The following ARSF variants were observed in gnomAD, a reference collection of about 807,000 sequenced individuals.
The protein encoded by ARSF is arylsulfatase F.
In ARSF, 33 loss-of-function variants were observed where a neutral mutation model predicts 35.4. The observed-to-expected ratio is 0.93, with a 90% CI of 0.71 to 1.25. The LOEUF is 1.25. Ranked by LOEUF, ARSF falls within the 50% of genes most tolerant of loss-of-function variation. The pLI is 0.00. For missense variants in ARSF, 501 were observed against 480.2 expected (o/e 1.04, Z -0.40); for synonymous variants, 222 against 193.1 (o/e 1.15, Z -1.24).
At chrX:3,069,697 C>A (rs1302147817) in intron 2 of ARSF, among the ~76,000 whole-genome samples, 3 of 108,701 alleles carry the variant, frequency 2.8e-5, no homozygotes, top group African/African-American at 1.0e-4. Context: ...TTTTTTCTTT[C>A]TTTTTAAATT....
chrX:3,049,436 T>C (rs2089988456), intron 1 of ARSF, among the ~76,000 whole-genome samples: 1 of 111,855 alleles, frequency 8.9e-6, no homozygotes, highest in Non-Finnish European at 1.9e-5. Context: ...CTATCAGATA[T>C]GCATTTGTCT....
intron 6 of ARSF, 38 bp downstream of exon 6, chrX:3,084,704 A>ATGATAG: frequency 9.0e-7 from 1 of 1,115,896 alleles, no homozygotes; most frequent in South Asian, 2.2e-5. Context: ...AATAATGATA[A>ATGATAG]TGATCTCTTT....
chrX:3,112,565 A>AG lies in ARSF; in HGVS notation c.*11dup, dbSNP rs1407851995. 5.9e-6 allele frequency: 7 copies of AG among 1,186,745 alleles called. No individual in the cohort carries two copies. The highest frequency in any genetic ancestry group is 7.9e-6 in the Non-Finnish European group (7 of 884,943). ...CTAACGAGAAGAGATAATTACAATC[A>AG]GGCTACCAGAGGAAGCCTTTGGTCC... On this transcript the variant is annotated 3_prime_UTR_variant, in exon 11 of 11. Transcript: ENST00000381127.
At chrX:3,093,217 G>C (rs910190366) in intron 7 of ARSF, among the ~76,000 whole-genome samples, 1 of 112,402 alleles carries the variant, frequency 8.9e-6, no homozygotes, top group East Asian at 2.8e-4. Flanking sequence ...TGAAATAATG[G>C]AGTCTACTGA....
chrX:3,075,336 A>G lies in ARSF; in HGVS notation c.162-1212A>G, dbSNP rs1445933932. 3.6e-5 allele frequency among the ~76,000 whole-genome samples: 4 copies of G among 111,729 alleles called. No homozygotes were observed. The Admixed American group carries it at 3.8e-4, about 11-fold the overall frequency. On this transcript the variant is annotated intron_variant, in intron 3 of 10. Transcript: ENST00000381127. ...AGAAAAATGAACTCCGTGTGCAGTTACCTGCTCTGGGTACCTGGAAATCAT... is the reference window on the plus strand; with the variant it reads ...AGAAAAATGAACTCCGTGTGCAGTTGCCTGCTCTGGGTACCTGGAAATCAT...
Position 3,103,853 on chromosome X carries a change from G to C in ARSF, c.1194G>C (p.Lys398Asn), listed in dbSNP as rs1367400840. 8.3e-7 allele frequency: 1 copy of C among 1,211,640 alleles called. No individual in the cohort carries two copies. The highest frequency in any genetic ancestry group is 2.2e-5 in the Admixed American group (1 of 46,005). Residue 398 changes from lysine to asparagine, a missense_variant, in exon 9 of 11, where the codon AAG becomes AAC. Physicochemically the swap from Lys to Asn is moderately conservative, Grantham distance 94. Coordinates refer to ENST00000381127, the MANE Select transcript of ARSF (RefSeq NM_001201539.2). ...PGKVPAGRLIKEPTSLMDILP... is the reference protein window; with the variant it reads ...PGKVPAGRLINEPTSLMDILP... Reference sequence around the variant, plus strand: ...AGGTACCAGCTGGACGGTTGATTAAGGAACCTACAAGTTTAATGGATATTT... The same window carrying C: ...AGGTACCAGCTGGACGGTTGATTAACGAACCTACAAGTTTAATGGATATTT...
intron 7 of ARSF, among the ~76,000 whole-genome samples, chrX:3,097,975 G>T (rs921399925): frequency 9.3e-6 from 1 of 107,903 alleles, no homozygotes; most frequent in African/African-American, 3.4e-5. Context: ...TCGTGCCATT[G>T]CACTCCAGCC....
Position 3,089,048 on chromosome X carries a change from A to G in ARSF, c.831-448A>G, listed in dbSNP as rs2090269211. On this transcript the variant is annotated intron_variant, in intron 6 of 10. Coordinates refer to ENST00000381127, the MANE Select transcript of ARSF (RefSeq NM_001201539.2). The stretch of plus-strand genomic sequence containing the variant: ...GACATCAGCAGTTTCCCTGGTATGC[A>G]CAACCTGAAAGATTATTGCAAATGG... Among the ~76,000 whole-genome samples, 3 of 111,789 alleles carry G rather than the reference A, an allele frequency of 2.7e-5. No individual in the cohort carries two copies. In the Admixed American group the frequency reaches 2.9e-4, roughly 11 times the overall value.
intron 9 of ARSF, among the ~76,000 whole-genome samples, chrX:3,108,540 T>C (rs1603465167): frequency 8.9e-6 from 1 of 112,128 alleles, no homozygotes; most frequent in East Asian, 2.8e-4. Context: ...TCTCATGTTA[T>C]AGTACATGAT....
At chrX:3,066,308 C>T (rs140539003) in intron 1 of ARSF, among the ~76,000 whole-genome samples, 1,233 of 111,433 alleles carry the variant, frequency 0.011, 23 homozygotes, top group African/African-American at 0.038. Context: ...TGGGTGTTGA[C>T]GAACAGCACA....
At chrX:3,070,583 A>T (rs191168576) in intron 2 of ARSF, among the ~76,000 whole-genome samples, 147 of 110,715 alleles carry the variant, frequency 1.3e-3, no homozygotes, top group African/African-American at 4.6e-3. Context: ...TTAGCCTTTT[A>T]AAAAAAATTC....
Position 3,112,667 on chromosome X carries a change from A to G in ARSF, c.*111A>G, listed in dbSNP as rs189758946. ...GTGCTTTCAAGTTGGCAAGGAGTGC[A>G]TTTAATAGTCAATAAATTCATCTAC... On this transcript the variant is annotated 3_prime_UTR_variant, in exon 11 of 11. Coordinates refer to ENST00000381127, the MANE Select transcript of ARSF (RefSeq NM_001201539.2). 8.2e-5 allele frequency: 82 copies of G among 1,000,256 alleles called. No individual in the cohort carries two copies. The African/African-American group carries it at 1.3e-3, about 16-fold the overall frequency. 82.4% of individuals were successfully genotyped at this position (1,000,256 alleles called of 1,213,427 possible). A position where few individuals can be genotyped will look rare whatever the true frequency, so the allele number is the denominator to read the frequency against.
chrX:3,086,747 G>A (rs767078648), intron 6 of ARSF, among the ~76,000 whole-genome samples: 2 of 111,809 alleles, frequency 1.8e-5, no homozygotes, highest in Admixed American at 9.6e-5. Context: ...GAGCCTGGGA[G>A]GTTGAGGCTG....
chrX:3,040,509 C>T (rs1162764183), upstream of ARSF, among the ~76,000 whole-genome samples: 1 of 111,575 alleles, frequency 9.0e-6, no homozygotes, highest in Non-Finnish European at 1.9e-5. Flanking sequence ...CCTTTTCCCC[C>T]CAAATTAATG....
rs1195380291 is a variant in ARSF at position 3,112,468 on chromosome X, T to C, written c.1685T>C (p.Leu562Pro). ...GAACTGAATCAGGGCAGGACGTGGC[T>C]GAAGCCTTGCTGTGGGGTGTTCCCA... ...LSELNQGRTW[L>P]KPCCGVFPFC... is the part of the protein sequence containing the mutation. The change falls in exon 11 of 11, where the codon CTG becomes CCG. Residue 562 changes from leucine to proline, a missense_variant. Leu to Pro is a moderately conservative substitution (Grantham distance 98). Coordinates refer to ENST00000381127, the MANE Select transcript of ARSF (RefSeq NM_001201539.2). The C allele has an allele frequency of 8.3e-7, 1 of 1,209,573 alleles. No homozygotes were observed. The highest frequency in any genetic ancestry group is 1.1e-6 in the Non-Finnish European group (1 of 895,190).
chrX:3,072,259 A>G (rs2090110905), intron 3 of ARSF, 84 bp downstream of exon 3: 1 of 998,481 alleles, frequency 1.0e-6, no homozygotes, highest in African/African-American at 2.0e-5. Context: ...TATGTGCAAA[A>G]CCAAATGTAT....
intron 6 of ARSF, among the ~76,000 whole-genome samples, chrX:3,086,860 A>G (rs779673128): frequency 9.0e-5 from 10 of 111,718 alleles, no homozygotes; most frequent in Non-Finnish European, 1.9e-4. Context: ...GCCTAATGCA[A>G]CACAAAGTTA....
intron 1 of ARSF, among the ~76,000 whole-genome samples, chrX:3,054,763 T>C (rs2090010791): frequency 9.2e-6 from 1 of 108,377 alleles, no homozygotes; most frequent in Non-Finnish European, 1.9e-5. Flanking sequence ...GGTAGAGTTT[T>C]GCTGTTGTTG....
At position 3,072,024 on chromosome X, in the gene ARSF, A is replaced by G; in HGVS notation, c.12-2A>G. ...CCAATAAAATCCCTGCTTGCTTTCC[A>G]GGAGACCCTTGGTCTTCATGTCTTT... On this transcript the variant is annotated splice_acceptor_variant, in intron 2 of 10. Coordinates refer to ENST00000381127, the MANE Select transcript of ARSF (RefSeq NM_001201539.2). LOFTEE classifies it high-confidence loss of function. 8.3e-7 allele frequency: 1 copy of G among 1,202,359 alleles called. No homozygotes were observed. The highest frequency in any genetic ancestry group is 1.1e-6 in the Non-Finnish European group (1 of 893,571).
Sources: gnomAD v4.1 joint callset for allele counts (sites outside exome capture counted in the v4.1 genomes callset) on GRCh38, gnomAD v4.1.1 for gene constraint, MANE v1.5 for transcripts, NCBI Gene and HGNC (gene_info 2026-07-23, HGNC 2026-07-21) for gene names.